Variants in NRXN1 observed in about 807,000 individuals in gnomAD.
The protein encoded by NRXN1 is neurexin 1.
Under a neutral mutation model 150.9 loss-of-function variants are expected in NRXN1, and 39 were observed. The ratio of observed to expected loss-of-function variants is 0.26; its 90% CI spans 0.20 to 0.34. The LOEUF (loss-of-function observed/expected upper bound fraction) is 0.34, where lower values mean the gene tolerates loss of function less well. NRXN1 is among the 10% of genes least tolerant of loss of function. NRXN1 has a pLI of 1.00. For missense variants in NRXN1, 1,815 were observed against 1,949.9 expected, an observed-to-expected ratio of 0.93 and a Z score of 1.30; for synonymous variants, 924 against 757.0, an observed-to-expected ratio of 1.22 and a Z score of -3.62.
In NRXN1 at chr2:50,936,370, CTATCT is replaced by C. The variant is rs1351303094; in HGVS notation, c.773-10420_773-10416del. Among the ~76,000 whole-genome samples the C allele has an allele frequency of 2.0e-5, 3 of 152,196 alleles. No homozygotes were observed. In the East Asian group the frequency reaches 5.8e-4, roughly 29 times the overall value. On this transcript the variant is annotated intron_variant, in intron 2 of 22. Transcript: ENST00000401669. ...CCAGAATCAGCATCCTGACTCAGTA[CTATCT>C]TATATCTTGTACTACTAGAGAAAAC...
At chr2:50,362,263 G>A (rs1041957454) in intron 17 of NRXN1, among the ~76,000 whole-genome samples, 10 of 152,086 alleles carry the variant, frequency 6.6e-5, no homozygotes, top group Non-Finnish European at 1.3e-4. Flanking sequence ...AATCAGGCAA[G>A]AGAAAGAAAT....
intron 17 of NRXN1, among the ~76,000 whole-genome samples, chr2:50,332,782 C>A (rs1383523691): frequency 4.6e-5 from 7 of 152,174 alleles, no homozygotes; most frequent in Non-Finnish European, 7.3e-5. Context: ...CAACATTAAA[C>A]TAAGATGCTC....
At chr2:50,239,608 A>G (rs2065798648) in intron 17 of NRXN1, among the ~76,000 whole-genome samples, 1 of 138,720 alleles carries the variant, frequency 7.2e-6, no homozygotes, top group Non-Finnish European at 1.6e-5. Context: ...TAAAGTTGCA[A>G]ACTTGGTTAA....
intron 13 of NRXN1, among the ~76,000 whole-genome samples, chr2:50,502,234 G>C (rs1349792022): frequency 5.9e-5 from 9 of 151,758 alleles, no homozygotes; most frequent in Non-Finnish European, 1.0e-4. Flanking sequence ...AAGGAAGGAA[G>C]GAAGGAAGGA....
chr2:49,967,347 A>C (rs2152490939), intron 21 of NRXN1, among the ~76,000 whole-genome samples: 1 of 152,170 alleles, frequency 6.6e-6, no homozygotes, highest in African/African-American at 2.4e-5. Flanking sequence ...GATCTGATTA[A>C]CTCCCATATA....
intron 2 of NRXN1, among the ~76,000 whole-genome samples, chr2:50,971,820 AAC>A (rs1441863566): frequency 2.6e-5 from 4 of 152,158 alleles, no homozygotes; most frequent in Non-Finnish European, 4.4e-5. Flanking sequence ...ACATAATACA[AAC>A]ACAGATTTAC....
chr2:50,340,833 T>C (rs1165734957), intron 17 of NRXN1, among the ~76,000 whole-genome samples: 1 of 152,188 alleles, frequency 6.6e-6, no homozygotes, highest in Non-Finnish European at 1.5e-5. Context: ...AATTGTGTTT[T>C]TTTCTTTAAA....
At chr2:50,860,502 G>A (rs1220307288) in intron 5 of NRXN1, among the ~76,000 whole-genome samples, 3 of 152,088 alleles carry the variant, frequency 2.0e-5, no homozygotes, top group Non-Finnish European at 2.9e-5. Flanking sequence ...GGTCATTTCT[G>A]ACCAGGAAAA....
rs1420091832 is a variant in NRXN1, at chr2:50,397,321, T to C, written c.3364+68121A>G. ...CTTTAAGATGGAAGACACCTAATGC[T>C]GACTTAGCCTTCCCTAAAGTGAACA... On this transcript the variant is annotated intron_variant, in intron 17 of 22. Transcript: ENST00000401669. Among the ~76,000 whole-genome samples, 6 of 152,120 alleles carry C rather than the reference T, an allele frequency of 3.9e-5. No individual in the cohort carries two copies. In the South Asian group the frequency reaches 8.3e-4, roughly 21 times the overall value.
chr2:50,093,616 A>G (rs1312215066), intron 18 of NRXN1, among the ~76,000 whole-genome samples: 2 of 152,104 alleles, frequency 1.3e-5, no homozygotes, highest in Non-Finnish European at 2.9e-5. Context: ...CCTGGTTGAC[A>G]GCGTAAGACC....
intron 17 of NRXN1, among the ~76,000 whole-genome samples, chr2:50,300,736 C>T (rs529485283): frequency 1.3e-5 from 2 of 152,276 alleles, no homozygotes; most frequent in African/African-American, 2.4e-5. Context: ...TGCTCTGTCA[C>T]CCAGGCTGGA....
intron 4 of NRXN1, among the ~76,000 whole-genome samples, chr2:50,922,150 C>A (rs774248866): frequency 6.6e-6 from 1 of 151,822 alleles, no homozygotes; most frequent in Non-Finnish European, 1.5e-5. Context: ...GAGAGACATA[C>A]AATAAATCTA....
At chr2:50,735,722 C>T (rs1334364405) in intron 5 of NRXN1, among the ~76,000 whole-genome samples, 1 of 152,168 alleles carries the variant, frequency 6.6e-6, no homozygotes, top group Non-Finnish European at 1.5e-5. Flanking sequence ...AAACACACAA[C>T]ACTCTTTTCT....
intron 17 of NRXN1, among the ~76,000 whole-genome samples, chr2:50,281,065 G>A (rs1002254508): frequency 1.3e-5 from 2 of 151,420 alleles, no homozygotes; most frequent in East Asian, 1.9e-4. Context: ...AGCACTTTGG[G>A]AGGCCGAGGC....
chr2:50,902,107 C>A (rs1683043096), intron 5 of NRXN1, among the ~76,000 whole-genome samples: 1 of 152,010 alleles, frequency 6.6e-6, no homozygotes, highest in Non-Finnish European at 1.5e-5. Flanking sequence ...AAAAGCGTAA[C>A]CTCAATTGGC....
intron 17 of NRXN1, among the ~76,000 whole-genome samples, chr2:50,464,640 C>G (rs974378233): frequency 6.6e-6 from 1 of 152,008 alleles, no homozygotes; most frequent in East Asian, 1.9e-4. Flanking sequence ...ACATATAGCA[C>G]GTATTCTATT....
Position 50,167,258 on chromosome 2 carries a change from A to C in NRXN1, c.3546+69531T>G, listed in dbSNP as rs149146380. The stretch of plus-strand genomic sequence containing the variant: ...TAATATGTCATCATTCCCTGCCAAA[A>C]ATAGAATTCCTTTTATTTTAGTATA... On this transcript the variant is annotated intron_variant, in intron 18 of 22. Coordinates refer to ENST00000401669, the MANE Select transcript of NRXN1 (RefSeq NM_001330078.2). Among the ~76,000 whole-genome samples, 744 of 152,272 alleles carry C rather than the reference A, an allele frequency of 4.9e-3. 7 individuals carry two copies. The highest frequency in any genetic ancestry group is 8.9e-3 in the Non-Finnish European group (608 of 68,030).
chr2:50,260,215 T>C (rs182416241), intron 17 of NRXN1, among the ~76,000 whole-genome samples: 35 of 151,464 alleles, frequency 2.3e-4, no homozygotes, highest in Admixed American at 2.0e-3. Flanking sequence ...GCCCATATGA[T>C]GCCTTTAGGA....
chr2:50,059,954 C>A (rs1395205347), intron 19 of NRXN1, among the ~76,000 whole-genome samples: 1 of 152,182 alleles, frequency 6.6e-6, no homozygotes, highest in East Asian at 1.9e-4. Flanking sequence ...TCTGCTAGGG[C>A]AGTGCAGAAA....
Sources: allele counts gnomAD v4.1 joint callset (sites outside exome capture counted in the v4.1 genomes callset), GRCh38; gene constraint gnomAD v4.1.1; transcripts MANE v1.5; gene names NCBI Gene and HGNC (gene_info 2026-07-23, HGNC 2026-07-21).